The following RNF145 variants were observed in gnomAD, a reference collection of about 807,000 sequenced individuals.
RNF145 encodes ring finger protein 145.
A neutral mutation model predicts 57.3 loss-of-function variants in RNF145; 12 were observed. That is an observed-to-expected ratio of 0.21 (90% CI 0.13 to 0.34). The LOEUF (loss-of-function observed/expected upper bound fraction) is 0.34. Ranked by LOEUF, RNF145 falls within the 10% of genes least tolerant of loss-of-function variation. RNF145 has a pLI of 1.00. For synonymous variants in RNF145, 262 were observed against 288.3 expected, an observed-to-expected ratio of 0.91 and a Z score of 0.92; for missense variants, 429 against 799.0, an observed-to-expected ratio of 0.54 and a Z score of 5.58.
At chr5:159,167,229 G>C (rs573061299) in intron 8 of RNF145, among the ~76,000 whole-genome samples, 1 of 152,158 alleles carries the variant, frequency 6.6e-6, no homozygotes, top group Non-Finnish European at 1.5e-5. Context: ...GGGAAGAACA[G>C]AATAGAATAG....
At position 159,197,497 on chromosome 5, in the gene RNF145, T is replaced by A. The variant is rs1785498050; in HGVS notation, c.185-2673A>T. Among the ~76,000 whole-genome samples the A allele has an allele frequency of 1.3e-5, 2 of 152,234 alleles. 1 individual carries two copies. Among genetic ancestry groups the A allele is most frequent in the South Asian group, 4.1e-4 (2 of 4,834 alleles). On this transcript the variant is annotated intron_variant, in intron 2 of 10. Coordinates refer to ENST00000424310, the MANE Select transcript of RNF145 (RefSeq NM_001199383.2). ...CCATTGCTCATCTATACCCCATTTT[T>A]ATATTCCAGTGGAAAAGTAACTCTG...
intron 8 of RNF145, among the ~76,000 whole-genome samples, chr5:159,165,200 G>C (rs7726254): frequency 0.76 from 115,949 of 152,110 alleles, 45,130 homozygotes; most frequent in African/African-American, 0.93. Context: ...AAGGCCTGGA[G>C]AATAAACCAC....
At position 159,208,179 on chromosome 5, in the gene RNF145, C is replaced by T; in HGVS notation, c.-40+1052G>A. The T allele has an allele frequency of 1.6e-5, 22 of 1,368,408 alleles. 1 individual carries two copies. In the South Asian group the frequency reaches 1.9e-4, roughly 12 times the overall value. 84.8% of individuals were successfully genotyped at this position (1,368,408 alleles called of 1,614,324 possible). A position where few individuals can be genotyped will look rare whatever the true frequency, so the allele number is the denominator to read the frequency against. Reference sequence around the variant, plus strand: ...CGTTTGAACTACAGTAACCCCAACCCAGCTCGCGGCAAGCAGGCAGCGCAG... The same window carrying T: ...CGTTTGAACTACAGTAACCCCAACCTAGCTCGCGGCAAGCAGGCAGCGCAG... On this transcript the variant is annotated intron_variant, in intron 1 of 10. Coordinates refer to ENST00000424310, the MANE Select transcript of RNF145 (RefSeq NM_001199383.2).
rs1249318256 is a variant in RNF145 at position 159,162,421 on chromosome 5, TTTTC to T, written c.1269+507_1269+510del. Among the ~76,000 whole-genome samples, 14 of 115,108 alleles carry T rather than the reference TTTTC, an allele frequency of 1.2e-4. No individual in the cohort carries two copies. The East Asian group carries it at 3.0e-3, about 25-fold the overall frequency. 75.5% of individuals were successfully genotyped at this position (115,108 alleles called of 152,430 possible). On this transcript the variant is annotated intron_variant, in intron 9 of 10. Coordinates refer to ENST00000424310, the MANE Select transcript of RNF145 (RefSeq NM_001199383.2). ...GTGACATCAATAGGTTTATGTAATATTTTCTTTTTTTTTTTTTTTTTTTTGAGAC... is the reference window on the plus strand; with the variant it reads ...GTGACATCAATAGGTTTATGTAATATTTTTTTTTTTTTTTTTTTTTGAGAC...
chr5:159,160,732 C>CT (rs1321660354), intron 10 of RNF145, among the ~76,000 whole-genome samples: 1 of 152,190 alleles, frequency 6.6e-6, no homozygotes, highest in African/African-American at 2.4e-5. Context: ...GGTAGGCCAA[C>CT]TTCAATTTTA....
chr5:159,192,376 A>G (rs374701815), intron 3 of RNF145, among the ~76,000 whole-genome samples: 13 of 152,204 alleles, frequency 8.5e-5, no homozygotes, highest in African/African-American at 3.1e-4. Context: ...ATGGAAATGG[A>G]AAAACCATGA....
At chr5:159,173,586 T>A (rs999398907) in intron 6 of RNF145, among the ~76,000 whole-genome samples, 5 of 152,186 alleles carry the variant, frequency 3.3e-5, no homozygotes, top group Non-Finnish European at 7.3e-5. Context: ...GGCACCTATC[T>A]CTTAGGGTCG....
chr5:159,173,976 T>C lies in RNF145; in HGVS notation c.797+7A>G, dbSNP rs1399997704. The C allele has an allele frequency of 1.3e-6, 2 of 1,596,784 alleles. No individual in the cohort carries two copies. Among genetic ancestry groups the C allele is most frequent in the Middle Eastern group, 1.7e-4 (1 of 5,944 alleles). On this transcript the variant is annotated splice_region_variant and intron_variant, in intron 6 of 10. Coordinates refer to ENST00000424310, the MANE Select transcript of RNF145 (RefSeq NM_001199383.2). Reference sequence around the variant, plus strand: ...TATATATAGTATCATAGGCTCTTATTAATTACCTTGTCAGAAAAAGGAAAA... The same window carrying C: ...TATATATAGTATCATAGGCTCTTATCAATTACCTTGTCAGAAAAAGGAAAA...
intron 2 of RNF145, among the ~76,000 whole-genome samples, chr5:159,195,518 C>T (rs1349065838): frequency 1.3e-5 from 2 of 152,158 alleles, no homozygotes; most frequent in Non-Finnish European, 2.9e-5. Flanking sequence ...TGGAAGTCAA[C>T]GACTGCCTAC....
intron 10 of RNF145, among the ~76,000 whole-genome samples, chr5:159,159,292 T>G (rs1784137985): frequency 6.6e-6 from 1 of 152,204 alleles, no homozygotes; most frequent in Non-Finnish European, 1.5e-5. Flanking sequence ...AGAAGCTACC[T>G]TTATAACTGG....
chr5:159,181,241 C>T (rs1784884699), intron 4 of RNF145, among the ~76,000 whole-genome samples: 1 of 151,958 alleles, frequency 6.6e-6, no homozygotes, highest in African/African-American at 2.4e-5. Context: ...CCCCCCTTCA[C>T]CACACAAGAC....
chr5:159,166,099 T>C (rs1193617840), intron 8 of RNF145, among the ~76,000 whole-genome samples: 1 of 152,206 alleles, frequency 6.6e-6, no homozygotes, highest in African/African-American at 2.4e-5. Flanking sequence ...TGGCAGATTT[T>C]TTCCCTCCCC....
chr5:159,196,023 G>GT (rs1471760028), intron 2 of RNF145, among the ~76,000 whole-genome samples: 3 of 152,012 alleles, frequency 2.0e-5, no homozygotes, highest in African/African-American at 7.3e-5. Flanking sequence ...TTCCTCTCAT[G>GT]TGTTACCCTT....
chr5:159,171,554 G>A (rs957885224), intron 6 of RNF145, among the ~76,000 whole-genome samples: 2 of 151,864 alleles, frequency 1.3e-5, no homozygotes, highest in Admixed American at 6.6e-5. Context: ...GAAAGAGTTT[G>A]GAAAATTTAT....
intron 3 of RNF145, among the ~76,000 whole-genome samples, chr5:159,185,110 T>G (rs1430445593): frequency 2.0e-5 from 3 of 152,194 alleles, no homozygotes; most frequent in African/African-American, 7.2e-5. Context: ...GTATCATCCC[T>G]AGGCCCCTTA....
intron 4 of RNF145, among the ~76,000 whole-genome samples, chr5:159,179,327 T>C (rs1041218885): frequency 2.6e-5 from 4 of 152,162 alleles, no homozygotes; most frequent in Non-Finnish European, 4.4e-5. Flanking sequence ...ATTTGCCTAT[T>C]TCAACTTTTA....
intron 3 of RNF145, among the ~76,000 whole-genome samples, chr5:159,193,567 G>A (rs1224713914): frequency 6.6e-6 from 1 of 152,086 alleles, no homozygotes; most frequent in East Asian, 1.9e-4. Flanking sequence ...GGTGAGAATT[G>A]AACAGTATTT....
chr5:159,186,881 G>A (rs1407131928), intron 3 of RNF145, among the ~76,000 whole-genome samples: 1 of 152,186 alleles, frequency 6.6e-6, no homozygotes, highest in African/African-American at 2.4e-5. Context: ...TACTTGGGAG[G>A]CTGAGGCAGG....
At position 159,176,612 on chromosome 5, in the gene RNF145, G is replaced by T; in HGVS notation, c.621+20C>A. 7.6e-7 allele frequency: 1 copy of T among 1,309,080 alleles called. No homozygotes were observed. The highest frequency in any genetic ancestry group is 1.2e-5 in the South Asian group (1 of 82,200). The allele number at this position is 1,309,080 out of a possible 1,614,324, so 81.1% of individuals were successfully genotyped here. Reference sequence around the variant, plus strand: ...TATGTAGAATTTTATCTACCTGTTTGTGGTTGTCAGCAGTCTTACCTGAAC... The same window carrying T: ...TATGTAGAATTTTATCTACCTGTTTTTGGTTGTCAGCAGTCTTACCTGAAC... On this transcript the variant is annotated intron_variant, in intron 5 of 10. Coordinates refer to ENST00000424310, the MANE Select transcript of RNF145 (RefSeq NM_001199383.2).
Sources: allele counts gnomAD v4.1 joint callset (sites outside exome capture counted in the v4.1 genomes callset), GRCh38; gene constraint gnomAD v4.1.1; transcripts MANE v1.5; gene names NCBI Gene and HGNC (gene_info 2026-07-23, HGNC 2026-07-21).